The following FAM83D variants were observed in gnomAD, a reference collection of about 807,000 sequenced individuals.
FAM83D encodes protein FAM83D.
A neutral mutation model predicts 25.4 loss-of-function variants in FAM83D; 26 were observed. The observed-to-expected ratio is 1.02, with a 90% CI of 0.75 to 1.42. FAM83D has a LOEUF of 1.42. Among genes scored for constraint, FAM83D ranks in the 40% most tolerant of loss-of-function variants. The pLI is 0.00. For missense variants in FAM83D, 740 were observed against 758.1 expected (o/e 0.98, Z 0.28); for synonymous variants, 310 against 318.5 (o/e 0.97, Z 0.28).
Position 38,951,941 on chromosome 20 carries a change from A to C in FAM83D, c.1179A>C (p.Thr393=). Residue 393 remains threonine, a synonymous_variant, in exon 4 of 4, where the codon ACA becomes ACC. Transcript: ENST00000619850. ...SRKAIDAATQ[T]EPGEEMPGLS... Reference sequence around the variant, plus strand: ...AGGCCATTGACGCTGCCACTCAAACAGAGCCAGGAGAGGAGATGCCAGGGC... The same window carrying C: ...AGGCCATTGACGCTGCCACTCAAACCGAGCCAGGAGAGGAGATGCCAGGGC... 1.9e-6 allele frequency: 3 copies of C among 1,614,182 alleles called. No individual in the cohort carries two copies. The highest frequency in any genetic ancestry group is 2.5e-6 in the Non-Finnish European group (3 of 1,180,034).
rs1665265041 is a variant in FAM83D, at chr20:38,952,133, A to G, written c.1371A>G (p.Gln457=). 4 of 1,614,188 alleles carry G rather than the reference A, an allele frequency of 2.5e-6. No homozygotes were observed. Among genetic ancestry groups the G allele is most frequent in the Non-Finnish European group, 3.4e-6 (4 of 1,180,032 alleles). ...ACATTCTCTTTCCTCGAGGAACTCA[A>G]TCTACAGAAGGGTCACCAGTCTCAA... ...DENILFPRGT[Q]STEGSPVSKM... The change falls in exon 4 of 4, where the codon CAA becomes CAG. Residue 457 remains glutamine, a synonymous_variant. Transcript: ENST00000619850.
intron 1 of FAM83D, among the ~76,000 whole-genome samples, chr20:38,937,091 G>A (rs2145802835): frequency 6.6e-6 from 1 of 152,346 alleles, no homozygotes; most frequent in African/African-American, 2.4e-5. Context: ...CTGGTCAGCA[G>A]GCCGGCCATT....
intron 3 of FAM83D, among the ~76,000 whole-genome samples, chr20:38,948,620 C>T (rs1601337987): frequency 1.3e-5 from 2 of 152,186 alleles, no homozygotes; most frequent in African/African-American, 4.8e-5. Context: ...AGAATTTGTG[C>T]CATTTGTACA....
rs948312518 is a variant in FAM83D, at chr20:38,941,980, G to A, written c.505G>A (p.Val169Met). 5 of 1,613,966 alleles carry A rather than the reference G, an allele frequency of 3.1e-6. No homozygotes were observed. Among genetic ancestry groups the A allele is most frequent in the East Asian group, 2.2e-5 (1 of 44,906 alleles). ...GTAGGTGATTGCAGTGGTCATGGAC[G>A]TGTTCACAGACATCGACATCTTCAG... is the stretch of plus-strand genomic sequence containing the variant. ...AREVIAVVMDVFTDIDIFRDL... is the reference protein window; with the variant it reads ...AREVIAVVMDMFTDIDIFRDL... The change falls in exon 2 of 4, where the codon GTG (valine) becomes ATG (methionine). Residue 169 changes from valine to methionine, a missense_variant. By Grantham distance (21) the Val-to-Met change is conservative. Transcript: ENST00000619850.
intron 1 of FAM83D, among the ~76,000 whole-genome samples, chr20:38,936,268 G>A (rs1242895998): frequency 6.6e-6 from 1 of 152,136 alleles, no homozygotes; most frequent in Non-Finnish European, 1.5e-5. Context: ...GCCTGTTGGG[G>A]CTGCACATGT....
chr20:38,946,748 G>A (rs1033165908), intron 2 of FAM83D, among the ~76,000 whole-genome samples: 1 of 152,106 alleles, frequency 6.6e-6, no homozygotes, highest in Non-Finnish European at 1.5e-5. Flanking sequence ...AGATGTGCAC[G>A]TATCAACAGT....
rs978481567 is a variant in FAM83D at position 38,951,566 on chromosome 20, C to T, written c.804C>T (p.Asn268=). 3 of 1,612,632 alleles carry T rather than the reference C, an allele frequency of 1.9e-6. No homozygotes were observed. The highest frequency in any genetic ancestry group is 1.7e-5 in the Admixed American group (1 of 59,740). The change falls in exon 4 of 4, where the codon AAC becomes AAT. Residue 268 remains asparagine, a synonymous_variant. Coordinates refer to ENST00000619850, the MANE Select transcript of FAM83D (RefSeq NM_030919.3). ...TTACATGGACGGATGGCAAATTAAACAGCAGTAACTTGGTAATTCTGTCTG... is the reference window on the plus strand; with the variant it reads ...TTACATGGACGGATGGCAAATTAAATAGCAGTAACTTGGTAATTCTGTCTG... ...YSFTWTDGKL[N]SSNLVILSGQ...
At chr20:38,944,316 T>C (rs984458356) in intron 2 of FAM83D, among the ~76,000 whole-genome samples, 1 of 152,196 alleles carries the variant, frequency 6.6e-6, no homozygotes, top group Non-Finnish European at 1.5e-5. Flanking sequence ...TCTAGACCAA[T>C]TGAGATGAGA....
In FAM83D at chr20:38,926,811, C is replaced by T; in HGVS notation, c.369C>T (p.Gly123=). Residue 123 remains glycine (G), a synonymous_variant, in exon 1 of 4, where the codon GGC becomes GGT. Transcript: ENST00000619850. The part of the protein sequence containing the change: ...LELGWPAFYQ[G]AYRGATRVET... ...TTGGCTGGCCCGCCTTCTACCAGGG[C>T]GCCTACCGCGGCGCCACGCGTGTCG... 6.5e-7 allele frequency: 1 copy of T among 1,539,422 alleles called. No homozygotes were observed. Among genetic ancestry groups the T allele is most frequent in the Admixed American group, 1.9e-5 (1 of 51,390 alleles).
At chr20:38,942,837 T>G (rs2085708620) in intron 2 of FAM83D, among the ~76,000 whole-genome samples, 2 of 152,188 alleles carry the variant, frequency 1.3e-5, no homozygotes, top group Non-Finnish European at 1.5e-5. Flanking sequence ...AATGTTAGGA[T>G]TCAAGACCTT....
rs1240262026 is a variant in FAM83D, at chr20:38,931,875, T to C, written c.483+4950T>C. Among the ~76,000 whole-genome samples the C allele has an allele frequency of 3.9e-5, 6 of 152,218 alleles. No homozygotes were observed. In the East Asian group the frequency reaches 7.7e-4, roughly 20 times the overall value. On this transcript the variant is annotated intron_variant, in intron 1 of 3. Coordinates refer to ENST00000619850, the MANE Select transcript of FAM83D (RefSeq NM_030919.3). ...GTGCACCTTTGCTCATTCAGCTACA[T>C]GCTTTGAGGAGAAATAAAGGGCAGG... is the stretch of plus-strand genomic sequence containing the variant.
chr20:38,946,490 T>A (rs553009834), intron 2 of FAM83D, among the ~76,000 whole-genome samples: 1 of 152,310 alleles, frequency 6.6e-6, no homozygotes, highest in African/African-American at 2.4e-5. Flanking sequence ...TGTATACAGC[T>A]TTGTGCCATG....
intron 2 of FAM83D, among the ~76,000 whole-genome samples, chr20:38,943,268 C>T (rs1054473053): frequency 1.3e-5 from 2 of 152,198 alleles, no homozygotes; most frequent in African/African-American, 4.8e-5. Flanking sequence ...AGATGATCTG[C>T]CTGCCTCGGC....
Position 38,952,769 on chromosome 20 carries a change from T to C in FAM83D, c.*249T>C. The C allele has an allele frequency of 1.9e-6, 1 of 521,204 alleles. No individual in the cohort carries two copies. The allele number at this position is 521,204 out of a possible 1,614,324, so 32.3% of individuals were successfully genotyped here. A position where few individuals can be genotyped will look rare whatever the true frequency, so the allele number is the denominator to read the frequency against. On this transcript the variant is annotated 3_prime_UTR_variant, in exon 4 of 4. Coordinates refer to ENST00000619850, the MANE Select transcript of FAM83D (RefSeq NM_030919.3). ...TTGTTTTGCACAATTTTAATAGTCATGCACTACATAATGATGTTTTGGTCA... is the reference window on the plus strand; with the variant it reads ...TTGTTTTGCACAATTTTAATAGTCACGCACTACATAATGATGTTTTGGTCA...
chr20:38,952,591 A>T lies in FAM83D; in HGVS notation c.*71A>T, dbSNP rs1468679985. The T allele has an allele frequency of 2.7e-6, 4 of 1,497,720 alleles. No homozygotes were observed. Among genetic ancestry groups the T allele is most frequent in the African/African-American group, 2.8e-5 (2 of 71,498 alleles). The allele number at this position is 1,497,720 out of a possible 1,614,324, so 92.8% of individuals were successfully genotyped here. ...CATCATCAGCTTCCTGCTTTAAAAAATATCTTATGTCCCTAATTGCCTTTC... is the reference window on the plus strand; with the variant it reads ...CATCATCAGCTTCCTGCTTTAAAAATTATCTTATGTCCCTAATTGCCTTTC... On this transcript the variant is annotated 3_prime_UTR_variant, in exon 4 of 4. Coordinates refer to ENST00000619850, the MANE Select transcript of FAM83D (RefSeq NM_030919.3).
intron 1 of FAM83D, among the ~76,000 whole-genome samples, chr20:38,934,367 C>G (rs1281785929): frequency 1.3e-5 from 2 of 152,072 alleles, no homozygotes; most frequent in African/African-American, 4.8e-5. Flanking sequence ...GTGGTACATG[C>G]CTGTAATCCT....
rs748654779 is a variant in FAM83D at position 38,952,005 on chromosome 20, A to G, written c.1243A>G (p.Thr415Ala). ...SEVGTQTSIT[T>A]ACAGTQTAVI... The stretch of plus-strand genomic sequence containing the variant: ...GGTGGGAACACAAACCAGCATCACC[A>G]CAGCATGTGCTGGTACCCAGACTGC... The change falls in exon 4 of 4, where the codon ACA (threonine) becomes GCA (alanine). Residue 415 changes from threonine (T) to alanine (A), a missense_variant. This residue lies in a region of FAM83D where 375 missense variants were observed against 403.2 expected (regional missense o/e 0.93). Transcript: ENST00000619850. 2.5e-6 allele frequency: 4 copies of G among 1,614,116 alleles called. No homozygotes were observed. In the African/African-American group the frequency reaches 4.0e-5, roughly 16 times the overall value.
At chr20:38,940,631 C>T (rs1276558631) in intron 1 of FAM83D, among the ~76,000 whole-genome samples, 1 of 152,214 alleles carries the variant, frequency 6.6e-6, no homozygotes, top group Non-Finnish European at 1.5e-5. Context: ...CCCCAAGCCT[C>T]GGCTTCCTTA....
chr20:38,929,918 C>T (rs1194306153), intron 1 of FAM83D, among the ~76,000 whole-genome samples: 1 of 152,104 alleles, frequency 6.6e-6, no homozygotes, highest in African/African-American at 2.4e-5. Context: ...GTTAAGTGGC[C>T]CCGAAGTCAT....
Sources: allele counts gnomAD v4.1 joint callset (sites outside exome capture counted in the v4.1 genomes callset), GRCh38; gene constraint gnomAD v4.1.1; regional missense constraint gnomAD v4.1.1; transcripts MANE v1.5; gene names NCBI Gene and HGNC (gene_info 2026-07-23, HGNC 2026-07-21).